The following HOMER2 variants were observed in gnomAD, a reference collection of about 807,000 sequenced individuals.
The protein encoded by HOMER2 is homer protein homolog 2.
In HOMER2, 27 loss-of-function variants were observed where a neutral mutation model predicts 47.0. The observed-to-expected ratio is 0.57, with a 90% CI of 0.42 to 0.79. The LOEUF is 0.79. Ranked by LOEUF, HOMER2 falls within the 30% of genes least tolerant of loss-of-function variation. HOMER2 has a pLI of 0.00. For missense variants in HOMER2, 443 were observed against 435.0 expected (o/e 1.02, Z -0.16); for synonymous variants, 161 against 163.8 (o/e 0.98, Z 0.13).
At chr15:82,932,524 A>G (rs1443539102) in intron 1 of HOMER2, among the ~76,000 whole-genome samples, 2 of 152,002 alleles carry the variant, frequency 1.3e-5, no homozygotes, top group Non-Finnish European at 2.9e-5. Flanking sequence ...AAAAAAGAAA[A>G]AAAAAGACCT....
At chr15:82,893,625 CT>C (rs537549847) in intron 1 of HOMER2, among the ~76,000 whole-genome samples, 7,838 of 134,830 alleles carry the variant, frequency 0.058, 557 homozygotes, top group African/African-American at 0.18. Flanking sequence ...GCCACTGCGC[CT>C]TTTTTTTTTT....
chr15:82,975,401 C>T (rs2030166049), intron 1 of HOMER2, among the ~76,000 whole-genome samples: 1 of 152,182 alleles, frequency 6.6e-6, no homozygotes, highest in Non-Finnish European at 1.5e-5. Flanking sequence ...TCAGAGATAT[C>T]TACACTCTCA....
intron 1 of HOMER2, among the ~76,000 whole-genome samples, chr15:82,972,072 A>AC (rs963822775): frequency 1.8e-4 from 28 of 152,148 alleles, no homozygotes; most frequent in African/African-American, 6.7e-4. Flanking sequence ...CATAAAATTC[A>AC]CCCATTGTAA....
chr15:82,973,938 C>T (rs1171033534), intron 1 of HOMER2, among the ~76,000 whole-genome samples: 1 of 152,036 alleles, frequency 6.6e-6, no homozygotes, highest in Non-Finnish European at 1.5e-5. Context: ...TGGTGGTGCA[C>T]ACCTGTAATC....
At position 82,892,709 on chromosome 15, in the gene HOMER2, C is replaced by T; in HGVS notation, c.138G>A (p.Arg46=). 1 of 1,597,502 alleles carries T rather than the reference C, an allele frequency of 6.3e-7. No individual in the cohort carries two copies. Among genetic ancestry groups the T allele is most frequent in the South Asian group, 1.1e-5 (1 of 88,878 alleles). Residue 46 remains arginine (R), a synonymous_variant, in exon 2 of 9, where the codon CGG becomes CGA. Coordinates refer to ENST00000450735, the MANE Select transcript of HOMER2 (RefSeq NM_004839.4). ...CCTTGGCTCCGTCCACACTGATGAT[C>T]CGATAGCTGTTCCTTGTGACATCAT... The part of the protein sequence containing the change: ...YFYDVTRNSY[R]IISVDGAKVI...
chr15:82,933,188 C>T (rs559496271), intron 1 of HOMER2, among the ~76,000 whole-genome samples: 1 of 152,054 alleles, frequency 6.6e-6, no homozygotes, highest in South Asian at 2.1e-4. Context: ...TACAACTCTC[C>T]ATAGGATGGG....
chr15:82,981,210 T>C (rs2151264227), intron 1 of HOMER2, among the ~76,000 whole-genome samples: 1 of 152,348 alleles, frequency 6.6e-6, no homozygotes, highest in African/African-American at 2.4e-5. Context: ...ATTTATCAGC[T>C]GTGCCCCTGG....
intron 5 of HOMER2, 116 bp downstream of exon 5, chr15:82,858,913 T>C: frequency 8.1e-7 from 1 of 1,238,438 alleles, no homozygotes; most frequent in Non-Finnish European, 1.1e-6. Context: ...GAGTGGATGC[T>C]CTAAGCAGGT....
At chr15:82,866,563 G>T (rs2051974250) in intron 3 of HOMER2, among the ~76,000 whole-genome samples, 1 of 152,174 alleles carries the variant, frequency 6.6e-6, no homozygotes, top group Non-Finnish European at 1.5e-5. Flanking sequence ...GATATGGTTT[G>T]ACTCTGTGTC....
intron 3 of HOMER2, among the ~76,000 whole-genome samples, chr15:82,874,948 C>T (rs1002610253): frequency 6.6e-6 from 1 of 152,168 alleles, no homozygotes; most frequent in Admixed American, 6.5e-5. Flanking sequence ...TTTTGGCACA[C>T]AAGCCAGCGC....
chr15:82,864,603 ATTTTTT>A (rs1310611134), intron 3 of HOMER2, among the ~76,000 whole-genome samples: 1 of 152,162 alleles, frequency 6.6e-6, no homozygotes, highest in Non-Finnish European at 1.5e-5. Context: ...TCTTAGTGTC[ATTTTTT>A]TCTAGATGAA....
rs1442356780 is a variant in HOMER2 at position 82,892,838 on chromosome 15, T to C, written c.9A>G (p.Glu3=). 1 of 1,578,708 alleles carries C rather than the reference T, an allele frequency of 6.3e-7. No homozygotes were observed. The highest frequency in any genetic ancestry group is 1.2e-5 in the South Asian group (1 of 85,904). ...GCGCTCGGGTGGTGAAGATGGGCTG[T>C]TCTCTGCAATAAGAGAGTGGGCGTG... MG[E]QPIFTTRAHV... The change falls in exon 2 of 9, where the codon GAA becomes GAG. Residue 3 remains glutamate (E), a synonymous_variant. Transcript: ENST00000450735.
chr15:82,910,271 G>A (rs2053415458), intron 1 of HOMER2, among the ~76,000 whole-genome samples: 1 of 151,274 alleles, frequency 6.6e-6, no homozygotes. Flanking sequence ...CCCCCACATT[G>A]TAAAGTGGTT....
chr15:82,959,512 A>C (rs1201998279), intron 1 of HOMER2, among the ~76,000 whole-genome samples: 2 of 152,222 alleles, frequency 1.3e-5, no homozygotes, highest in Non-Finnish European at 2.9e-5. Flanking sequence ...GAGTGGGCAC[A>C]GTTCTGAGGA....
At chr15:82,891,977 G>T (rs562077919) in intron 2 of HOMER2, among the ~76,000 whole-genome samples, 1 of 151,780 alleles carries the variant, frequency 6.6e-6, no homozygotes, top group African/African-American at 2.4e-5. Context: ...AAAACCAGCA[G>T]GTCTATTTTT....
chr15:82,971,635 A>G (rs2151257812), intron 1 of HOMER2, among the ~76,000 whole-genome samples: 1 of 152,320 alleles, frequency 6.6e-6, no homozygotes, highest in East Asian at 1.9e-4. Flanking sequence ...AAAATTTTAA[A>G]TAGATTTTAG....
intron 1 of HOMER2, among the ~76,000 whole-genome samples, chr15:82,944,045 AT>A (rs200212869): frequency 1.2e-3 from 183 of 151,384 alleles, no homozygotes; most frequent in African/African-American, 3.1e-3. Context: ...ATGAATAAAA[AT>A]TTTTTTTTTA....
At chr15:82,929,026 G>A (rs1301426270) in intron 1 of HOMER2, among the ~76,000 whole-genome samples, 1 of 143,444 alleles carries the variant, frequency 7.0e-6, no homozygotes, top group East Asian at 2.1e-4. Flanking sequence ...TCATTGCTGG[G>A]TATGGAAAAG....
rs74416301 is a variant in HOMER2 at position 82,851,175 on chromosome 15, G to A, written c.819C>T (p.Cys273=). ...SEIIPQLMSE[C]EYVSEKLEAA... is the part of the protein sequence containing the mutation. ...CCTCTAGCTTCTCAGAGACATATTC[G>A]CACTCTGACATGAGCTGAGGTATGA... The change falls in exon 8 of 9, where the codon TGC becomes TGT. Residue 273 remains cysteine, a synonymous_variant. Coordinates refer to ENST00000450735, the MANE Select transcript of HOMER2 (RefSeq NM_004839.4). 24,115 of 1,578,498 alleles carry A rather than the reference G, an allele frequency of 0.015. 182 individuals are homozygous for A. The highest frequency in any genetic ancestry group is 0.018 in the Non-Finnish European group (20,925 of 1,160,232).
Sources: gnomAD v4.1 joint callset for allele counts (sites outside exome capture counted in the v4.1 genomes callset) on GRCh38, gnomAD v4.1.1 for gene constraint, MANE v1.5 for transcripts, NCBI Gene and HGNC (gene_info 2026-07-23, HGNC 2026-07-21) for gene names.